The following TFAP2E variants were observed in gnomAD, a reference collection of about 807,000 sequenced individuals.
The protein encoded by TFAP2E is transcription factor AP-2 epsilon.
A neutral mutation model predicts 37.9 loss-of-function variants in TFAP2E; 30 were observed. The observed-to-expected ratio is 0.79, with a 90% confidence interval of 0.59 to 1.07. The LOEUF (loss-of-function observed/expected upper bound fraction) is 1.07, where lower values mean the gene tolerates loss of function less well. Ranked by LOEUF, TFAP2E falls within the 50% of genes least tolerant of loss-of-function variation. The pLI, the probability that TFAP2E is intolerant of heterozygous loss-of-function variation, is 0.00. For synonymous variants in TFAP2E, 318 were observed against 295.8 expected (o/e 1.08, Z -0.77); for missense variants, 567 against 637.9 (o/e 0.89, Z 1.20).
chr1:35,574,682 CA>C (rs1649117341), intron 2 of TFAP2E: 1 of 651,486 alleles, frequency 1.5e-6, no homozygotes, highest in Admixed American at 3.0e-5. Context: ...GTGTGGCATC[CA>C]TGGGGCAGCC....
In TFAP2E at chr1:35,590,748, G is replaced by T; in HGVS notation, c.1019G>T (p.Ser340Ile). The T allele has an allele frequency of 6.7e-7, 1 of 1,490,538 alleles. No homozygotes were observed. Among genetic ancestry groups the T allele is most frequent in the Non-Finnish European group, 9.0e-7 (1 of 1,107,202 alleles). 92.3% of individuals were successfully genotyped at this position (1,490,538 alleles called of 1,614,324 possible). ...CACGCTGACCCGGGGGAGCTGCACA[G>T]CCGCAAGAGCATGCTGCTGGCTGCC... is the stretch of plus-strand genomic sequence containing the variant. ...RQHADPGELHSRKSMLLAAKQ... is the reference protein window; with the variant it reads ...RQHADPGELHIRKSMLLAAKQ... Residue 340 changes from serine (S) to isoleucine (I), a missense_variant, in exon 6 of 7, where the codon AGC becomes ATC. Around this residue, in one of 3 missense-constraint regions of TFAP2E, gnomAD observed 252 missense variants for 302.6 expected, o/e 0.83. Coordinates refer to ENST00000373235, the MANE Select transcript of TFAP2E (RefSeq NM_178548.4). This position sits in a 1 kb window ranked among gnomAD's most constrained non-coding sequence, Gnocchi z 6.2.
chr1:35,583,054 C>T (rs1649396337), intron 3 of TFAP2E, among the ~76,000 whole-genome samples: 1 of 152,042 alleles, frequency 6.6e-6, no homozygotes, highest in Admixed American at 6.6e-5. Flanking sequence ...AGGTGAGTGC[C>T]ACCATGCTGG....
intron 6 of TFAP2E, 150 bp from the exon 7 acceptor site, chr1:35,594,244 T>G (rs550093898): frequency 1.0e-6 from 1 of 1,002,196 alleles, no homozygotes; most frequent in East Asian, 2.6e-5. Flanking sequence ...AGTTTCCTTT[T>G]CTGTAAAAAA....
rs1195175483 is a variant in TFAP2E, at chr1:35,577,675, G to A, written c.562+2675G>A. 1.3e-5 allele frequency: 4 copies of A among 311,346 alleles called. No individual in the cohort carries two copies. Among genetic ancestry groups the A allele is most frequent in the Non-Finnish European group, 2.6e-5 (4 of 153,618 alleles). The allele number at this position is 311,346 out of a possible 1,614,324, so 19.3% of individuals were successfully genotyped here. A position where few individuals can be genotyped will look rare whatever the true frequency, so the allele number is the denominator to read the frequency against. ...TCGCATCGCTGCGGTGGGCGTTCTC[G>A]GGCTTCGACTTCGCCAGCGCCGCGG... is the stretch of plus-strand genomic sequence containing the variant. On this transcript the variant is annotated intron_variant, in intron 3 of 6. Coordinates refer to ENST00000373235, the MANE Select transcript of TFAP2E (RefSeq NM_178548.4). The surrounding 1 kb of genome is among the most constrained non-coding windows in gnomAD (Gnocchi z 6.3).
intron 6 of TFAP2E, among the ~76,000 whole-genome samples, chr1:35,592,667 A>G (rs1008124371): frequency 6.6e-6 from 1 of 152,230 alleles, no homozygotes; most frequent in African/African-American, 2.4e-5. Context: ...TGCTTGGATT[A>G]TAGGTGTGAG....
At chr1:35,591,942 A>T (rs1649699688) in intron 6 of TFAP2E, among the ~76,000 whole-genome samples, 1 of 151,792 alleles carries the variant, frequency 6.6e-6, no homozygotes, top group South Asian at 2.1e-4. Context: ...CCCGCCTTGG[A>T]CTCCCAAAGT....
At chr1:35,587,218 G>A (rs1649506542) in intron 3 of TFAP2E, among the ~76,000 whole-genome samples, 1 of 152,204 alleles carries the variant, frequency 6.6e-6, no homozygotes, top group Non-Finnish European at 1.5e-5. Flanking sequence ...AAAGGCCAAA[G>A]GGTTCCGCTA....
At position 35,590,526 on chromosome 1, in the gene TFAP2E, C is replaced by T. The variant is rs1320273786; in HGVS notation, c.905-108C>T. The T allele has an allele frequency of 3.0e-6, 4 of 1,321,470 alleles. No individual in the cohort carries two copies. The highest frequency in any genetic ancestry group is 4.0e-6 in the Non-Finnish European group (4 of 1,006,820). The allele number at this position is 1,321,470 out of a possible 1,614,324, so 81.9% of individuals were successfully genotyped here. A position where few individuals can be genotyped will look rare whatever the true frequency, so the allele number is the denominator to read the frequency against. On this transcript the variant is annotated intron_variant, in intron 5 of 6. Coordinates refer to ENST00000373235, the MANE Select transcript of TFAP2E (RefSeq NM_178548.4). This position sits in a 1 kb window ranked among gnomAD's most constrained non-coding sequence, Gnocchi z 6.2. The stretch of plus-strand genomic sequence containing the variant: ...GAAGGAACATCAGAGGGGGCATCTA[C>T]ACAGGCAGGATGGGGCAGGATACCC...
At position 35,594,822 on chromosome 1, in the gene TFAP2E, C is replaced by G; in HGVS notation, c.*146C>G. ...ATCCAGAGATCCCAGAGTTGGGGAT[C>G]TGGCTTGGAGTAAGGGAGGGTGGCC... is the stretch of plus-strand genomic sequence containing the variant. On this transcript the variant is annotated 3_prime_UTR_variant, in exon 7 of 7. Transcript: ENST00000373235. 2 of 1,302,208 alleles carry G rather than the reference C, an allele frequency of 1.5e-6. No homozygotes were observed. Among genetic ancestry groups the G allele is most frequent in the Non-Finnish European group, 2.1e-6 (2 of 957,882 alleles). 80.7% of individuals were successfully genotyped at this position (1,302,208 alleles called of 1,614,324 possible). A position where few individuals can be genotyped will look rare whatever the true frequency, so the allele number is the denominator to read the frequency against.
Position 35,573,407 on chromosome 1 carries a change from A to G in TFAP2E, c.-171A>G. 1 of 823,102 alleles carries G rather than the reference A, an allele frequency of 1.2e-6. No individual in the cohort carries two copies. The highest frequency in any genetic ancestry group is 1.7e-6 in the Non-Finnish European group (1 of 582,990). 51.0% of individuals were successfully genotyped at this position (823,102 alleles called of 1,614,324 possible). Reference sequence around the variant, plus strand: ...CCTGCCTCCATGGACCCGCCCGGGAACGGCCACCGCTGAGGACCCCACGCC... The same window carrying G: ...CCTGCCTCCATGGACCCGCCCGGGAGCGGCCACCGCTGAGGACCCCACGCC... On this transcript the variant is annotated 5_prime_UTR_variant, in exon 1 of 7. Coordinates refer to ENST00000373235, the MANE Select transcript of TFAP2E (RefSeq NM_178548.4). This position sits in a 1 kb window ranked among gnomAD's most constrained non-coding sequence, Gnocchi z 5.9.
chr1:35,589,905 T>C, intron 4 of TFAP2E, 25 bp from the exon 5 acceptor site: 1 of 1,609,106 alleles, frequency 6.2e-7, no homozygotes, highest in South Asian at 1.1e-5. Flanking sequence ...TAGTTGTATG[T>C]CTGTCTGTCT....
rs1649069319 is a variant in TFAP2E, at chr1:35,573,505, C to T, written c.-73C>T. ...CGCGGGCTGTGCCGGCTCCCGGCGCCTCTGCCCGCAGCGCTCGCCGTCGGG... is the reference window on the plus strand; with the variant it reads ...CGCGGGCTGTGCCGGCTCCCGGCGCTTCTGCCCGCAGCGCTCGCCGTCGGG... On this transcript the variant is annotated 5_prime_UTR_variant, in exon 1 of 7. Coordinates refer to ENST00000373235, the MANE Select transcript of TFAP2E (RefSeq NM_178548.4). This position sits in a 1 kb window ranked among gnomAD's most constrained non-coding sequence, Gnocchi z 5.9. 7.7e-6 allele frequency: 11 copies of T among 1,429,170 alleles called. No homozygotes were observed. The highest frequency in any genetic ancestry group is 9.1e-6 in the Non-Finnish European group (10 of 1,095,218). The allele number at this position is 1,429,170 out of a possible 1,614,324, so 88.5% of individuals were successfully genotyped here. A position where few individuals can be genotyped will look rare whatever the true frequency, so the allele number is the denominator to read the frequency against.
intron 3 of TFAP2E, among the ~76,000 whole-genome samples, chr1:35,575,312 T>A (rs1239095539): frequency 2.0e-5 from 3 of 152,246 alleles, no homozygotes; most frequent in African/African-American, 7.2e-5. Flanking sequence ...TTAAACCACT[T>A]CCCTGTTTCC....
At chr1:35,576,826 A>G (rs1649186467) in intron 3 of TFAP2E, among the ~76,000 whole-genome samples, 2 of 152,212 alleles carry the variant, frequency 1.3e-5, no homozygotes, top group Admixed American at 6.5e-5. Context: ...CTAACATCCC[A>G]GGTGGCGGCG....
chr1:35,589,839 G>A, intron 4 of TFAP2E, 91 bp from the exon 5 acceptor site: 20 of 1,331,752 alleles, frequency 1.5e-5, no homozygotes, highest in Non-Finnish European at 2.2e-5. Flanking sequence ...GGGGCTGGTG[G>A]AGGCAACAAG....
chr1:35,582,891 TTTTCTTTCTTTC>T (rs746723568), intron 3 of TFAP2E, among the ~76,000 whole-genome samples: 14 of 151,758 alleles, frequency 9.2e-5, no homozygotes, highest in African/African-American at 3.4e-4. Context: ...TTTATCATCA[TTTTCTTTCTTTC>T]TTTCTTTCTT....
At chr1:35,592,152 G>A (rs1329694851) in intron 6 of TFAP2E, among the ~76,000 whole-genome samples, 1 of 152,076 alleles carries the variant, frequency 6.6e-6, no homozygotes, top group Non-Finnish European at 1.5e-5. Flanking sequence ...AGGTGTGGTG[G>A]TGCACTCCTG....
At position 35,574,403 on chromosome 1, in the gene TFAP2E, C is replaced by T. The variant is rs1195907559; in HGVS notation, c.504C>T (p.Asp168=). 9 of 1,428,626 alleles carry T rather than the reference C, an allele frequency of 6.3e-6. No individual in the cohort carries two copies. In the African/African-American group the frequency reaches 1.3e-4, roughly 21 times the overall value. The allele number at this position is 1,428,626 out of a possible 1,614,324, so 88.5% of individuals were successfully genotyped here. A position where few individuals can be genotyped will look rare whatever the true frequency, so the allele number is the denominator to read the frequency against. Reference sequence around the variant, plus strand: ...TGGCGGCGGCCCCCGGTCTGGAGGACCTGCAGGTGAGACCCGAGGGATCCG... The same window carrying T: ...TGGCGGCGGCCCCCGGTCTGGAGGATCTGCAGGTGAGACCCGAGGGATCCG... ...PGLAAAPGLE[D]LQAMDEPGMS... Residue 168 remains aspartate, a synonymous_variant, in exon 2 of 7, where the codon GAC becomes GAT. Coordinates refer to ENST00000373235, the MANE Select transcript of TFAP2E (RefSeq NM_178548.4).
Position 35,590,562 on chromosome 1 carries a change from G to T in TFAP2E, c.905-72G>T. ...TGGGGCAGGATACCCCTGACCAGGG[G>T]GTCAGAGGTTCAAAGCTGTGTTCCA... On this transcript the variant is annotated intron_variant, in intron 5 of 6. Coordinates refer to ENST00000373235, the MANE Select transcript of TFAP2E (RefSeq NM_178548.4). This position sits in a 1 kb window ranked among gnomAD's most constrained non-coding sequence, Gnocchi z 6.2. The T allele has an allele frequency of 1.4e-6, 2 of 1,401,176 alleles. No homozygotes were observed. Among genetic ancestry groups the T allele is most frequent in the East Asian group, 2.5e-5 (1 of 39,934 alleles). 86.8% of individuals were successfully genotyped at this position (1,401,176 alleles called of 1,614,324 possible). A position where few individuals can be genotyped will look rare whatever the true frequency, so the allele number is the denominator to read the frequency against.
Sources: gnomAD v4.1 joint callset for allele counts (sites outside exome capture counted in the v4.1 genomes callset) on GRCh38, gnomAD v4.1.1 for gene constraint, gnomAD v4.1.1 regional missense constraint, Gnocchi (gnomAD v3.1) non-coding constraint, MANE v1.5 for transcripts, NCBI Gene and HGNC (gene_info 2026-07-23, HGNC 2026-07-21) for gene names.